FAM200B: variants seen among roughly 807,000 people sequenced by gnomAD.
The protein encoded by FAM200B is zinc finger BED-type containing 11, also known as protein FAM200B.
In FAM200B, 32 loss-of-function variants were observed where a neutral mutation model predicts 33.1. That is an observed-to-expected ratio of 0.97 (90% confidence interval 0.73 to 1.30). The LOEUF is 1.30. FAM200B is among the 50% of genes most tolerant of loss of function. FAM200B has a pLI of 0.00. For missense variants in FAM200B, 741 were observed against 754.0 expected, an observed-to-expected ratio of 0.98 and a Z score of 0.20; for synonymous variants, 240 against 264.8, an observed-to-expected ratio of 0.91 and a Z score of 0.91.
chr4:15,671,474 C>T, the FAM200B span, among the ~76,000 whole-genome samples: 2 of 150,256 alleles, frequency 1.3e-5, no homozygotes, highest in Non-Finnish European at 1.5e-5. Flanking sequence ...GGTCTCTCCA[C>T]ATTGCCCAGG....
At chr4:15,669,110 G>A in the FAM200B span, among the ~76,000 whole-genome samples, 2 of 152,156 alleles carry the variant, frequency 1.3e-5, no homozygotes, top group Admixed American at 6.5e-5. Flanking sequence ...ATATAGTTGA[G>A]TATTTGTTAC....
intron 1 of FAM200B, among the ~76,000 whole-genome samples, chr4:15,682,959 C>T (rs1718470506): frequency 6.6e-6 from 1 of 152,166 alleles, no homozygotes; most frequent in South Asian, 2.1e-4. Flanking sequence ...AGGATATTAT[C>T]CTGAAGAGCT....
At chr4:15,656,468 C>G in the FAM200B span, 1 of 342,758 alleles carries the variant, frequency 2.9e-6, no homozygotes, top group African/African-American at 2.1e-5. Flanking sequence ...CCCTTGTTCT[C>G]TATTATCTAT....
At chr4:15,643,220 A>G in the FAM200B span, among the ~76,000 whole-genome samples, 1 of 152,344 alleles carries the variant, frequency 6.6e-6, no homozygotes, top group Middle Eastern at 3.4e-3. Flanking sequence ...AACTATTAGA[A>G]TAATTTTTTA....
chr4:15,680,669 C>CTCT (rs1330535881), upstream of FAM200B, among the ~76,000 whole-genome samples: 2 of 151,490 alleles, frequency 1.3e-5, no homozygotes, highest in Non-Finnish European at 2.9e-5. Context: ...GAGTGAGACT[C>CTCT]CGTCTCAAAA....
the FAM200B span, among the ~76,000 whole-genome samples, chr4:15,653,796 G>A: frequency 6.6e-6 from 1 of 152,180 alleles, no homozygotes; most frequent in Non-Finnish European, 1.5e-5. Context: ...GCTTCTCCTA[G>A]ATGAGTGGTT....
chr4:15,653,715 A>C, the FAM200B span, among the ~76,000 whole-genome samples: 1 of 152,184 alleles, frequency 6.6e-6, no homozygotes, highest in Admixed American at 6.5e-5. Context: ...AGAGGATAAA[A>C]ACACTATAAT....
In FAM200B at chr4:15,687,038, T is replaced by G. The variant is rs74832535; in HGVS notation, c.61T>G (p.Ser21Ala). The change falls in exon 2 of 2, where the codon TCA becomes GCA. Residue 21 changes from serine to alanine, a missense_variant. Physicochemically the swap from Ser to Ala is moderately conservative, Grantham distance 99. Transcript: ENST00000422728. ...NSEVKYTEACSSSSVESGIVN... is the reference protein window; with the variant it reads ...NSEVKYTEACASSSVESGIVN... ...TGAAGTGAAATATACAGAAGCATGT[T>G]CAAGTTCATCTGTTGAATCTGGAAT... 67 of 1,520,108 alleles carry G rather than the reference T, an allele frequency of 4.4e-5. No homozygotes were observed. In the African/African-American group the frequency reaches 7.8e-4, roughly 18 times the overall value. 94.2% of individuals were successfully genotyped at this position (1,520,108 alleles called of 1,614,324 possible). A position where few individuals can be genotyped will look rare whatever the true frequency, so the allele number is the denominator to read the frequency against.
At chr4:15,673,611 T>G in the FAM200B span, among the ~76,000 whole-genome samples, 1 of 152,372 alleles carries the variant, frequency 6.6e-6, no homozygotes, top group South Asian at 2.1e-4. Context: ...TGTCTTTATG[T>G]GATCCAAGAC....
At chr4:15,638,792 A>T in the FAM200B span, 6 of 695,168 alleles carry the variant, frequency 8.6e-6, no homozygotes, top group African/African-American at 1.2e-4. Context: ...TCGTATTATG[A>T]CCATATATCT....
chr4:15,688,566 C>T lies in FAM200B; in HGVS notation c.1589C>T (p.Thr530Ile). Residue 530 changes from threonine (T) to isoleucine (I), a missense_variant, in exon 2 of 2, where the codon ACA becomes ATA. Coordinates refer to ENST00000422728, the MANE Select transcript of FAM200B (RefSeq NM_001145191.2). The part of the protein sequence containing the change: ...NHFFPEEKFE[T>I]LRENSWVKDP... The stretch of plus-strand genomic sequence containing the variant: ...TTCTTTCCAGAAGAAAAATTTGAAA[C>T]ATTAAGGGAAAACAGTTGGGTAAAA... The T allele has an allele frequency of 6.4e-7, 1 of 1,550,466 alleles. No homozygotes were observed. Among genetic ancestry groups the T allele is most frequent in the Non-Finnish European group, 8.7e-7 (1 of 1,146,196 alleles).
At chr4:15,640,393 G>GAAAA in the FAM200B span, among the ~76,000 whole-genome samples, 6,153 of 91,306 alleles carry the variant, frequency 0.067, 345 homozygotes, top group Non-Finnish European at 0.097. Context: ...CTACACTACT[G>GAAAA]AAAAAAAAAA....
At chr4:15,674,949 G>A in the FAM200B span, among the ~76,000 whole-genome samples, 3 of 151,972 alleles carry the variant, frequency 2.0e-5, no homozygotes, top group South Asian at 2.1e-4. Context: ...GCACCCAGTC[G>A]GTTATGGTTT....
the FAM200B span, among the ~76,000 whole-genome samples, chr4:15,648,192 C>T: frequency 6.6e-6 from 1 of 152,118 alleles, no homozygotes; most frequent in Non-Finnish European, 1.5e-5. Flanking sequence ...ATAAAGAACA[C>T]AGAATATAAG....
the FAM200B span, among the ~76,000 whole-genome samples, chr4:15,637,398 C>T: frequency 6.6e-6 from 1 of 151,974 alleles, no homozygotes; most frequent in Non-Finnish European, 1.5e-5. Context: ...TGAAGTGTTA[C>T]AATAAAAAAT....
At position 15,687,383 on chromosome 4, in the gene FAM200B, CT is replaced by C; in HGVS notation, c.408del (p.Ser137ValfsTer16). 1.9e-6 allele frequency: 3 copies of C among 1,546,886 alleles called. No homozygotes were observed. Among genetic ancestry groups the C allele is most frequent in the Non-Finnish European group, 2.6e-6 (3 of 1,144,180 alleles). On this transcript the variant is annotated frameshift_variant, in exon 2 of 2. Transcript: ENST00000422728. LOFTEE classifies it high-confidence loss of function. Reference sequence around the variant, plus strand: ...AGACATAAAGTTATCAACACAATTTCTTAGTTGTTCTACTGCTGTTAGTGAG... The same window carrying C: ...AGACATAAAGTTATCAACACAATTTCTAGTTGTTCTACTGCTGTTAGTGAG... ...KKDIKLSTQF[L>X]SCSTAVSEKA...
intron 1 of FAM200B, among the ~76,000 whole-genome samples, chr4:15,685,953 T>C (rs1577540880): frequency 6.6e-6 from 1 of 152,332 alleles, no homozygotes; most frequent in African/African-American, 2.4e-5. Flanking sequence ...GAATAAGCTA[T>C]ACTCCTTCAT....
chr4:15,641,010 C>G, the FAM200B span: 1 of 505,908 alleles, frequency 2.0e-6, no homozygotes, highest in Non-Finnish European at 3.5e-6. Context: ...GCAAAGTGGT[C>G]TCTGTACTTT....
At chr4:15,676,579 T>C in the FAM200B span, among the ~76,000 whole-genome samples, 1 of 152,138 alleles carries the variant, frequency 6.6e-6, no homozygotes, top group South Asian at 2.1e-4. Context: ...ATTATAAAAA[T>C]CTTAACACTC....
Sources: allele counts gnomAD v4.1 joint callset (sites outside exome capture counted in the v4.1 genomes callset), GRCh38; gene constraint gnomAD v4.1.1; transcripts MANE v1.5; gene names NCBI Gene and HGNC (gene_info 2026-07-23, HGNC 2026-07-21).